PCDHA6: variants seen among roughly 807,000 people sequenced by gnomAD.
The protein encoded by PCDHA6 is protocadherin alpha-6.
Under a neutral mutation model 60.3 loss-of-function variants are expected in PCDHA6, and 55 were observed. That is an observed-to-expected ratio of 0.91 (90% CI 0.73 to 1.14). The LOEUF (loss-of-function observed/expected upper bound fraction) is 1.14. Ranked by LOEUF, PCDHA6 falls within the 50% of genes most tolerant of loss-of-function variation. PCDHA6 has a pLI of 0.00. For synonymous variants in PCDHA6, 652 were observed against 557.9 expected, an observed-to-expected ratio of 1.17 and a Z score of -2.38; for missense variants, 1,327 against 1,256.5, an observed-to-expected ratio of 1.06 and a Z score of -0.85.
At chr5:140,893,657 A>T (rs1046030357) in intron 1 of PCDHA6, among the ~76,000 whole-genome samples, 19 of 152,126 alleles carry the variant, frequency 1.2e-4, no homozygotes, top group Non-Finnish European at 2.2e-4. Context: ...TGATAGTTTT[A>T]AAAAATTTCA....
At chr5:140,984,281 C>G (rs574169465) in intron 3 of PCDHA6, among the ~76,000 whole-genome samples, 32 of 152,336 alleles carry the variant, frequency 2.1e-4, no homozygotes, top group African/African-American at 7.5e-4. Context: ...AATACATTCT[C>G]CCTCCCATTG....
In PCDHA6 at chr5:140,848,293, C is replaced by T. The variant is rs2150408206; in HGVS notation, c.2394+17808C>T. On this transcript the variant is annotated intron_variant, in intron 1 of 3. Transcript: ENST00000529310. ...TGAAATATGTACTTACACTTTGGGC[C>T]ACGTGATGTCACTCTTTGCCGCGAT... The T allele has an allele frequency of 2.0e-5, 13 of 642,032 alleles. 2 individuals are homozygous for T. The highest frequency in any genetic ancestry group is 3.2e-5 in the Non-Finnish European group (12 of 369,632). 39.8% of individuals were successfully genotyped at this position (642,032 alleles called of 1,614,324 possible).
intron 1 of PCDHA6, chr5:140,966,319 G>T: frequency 2.6e-6 from 1 of 388,824 alleles, no homozygotes; most frequent in Admixed American, 4.5e-5. Context: ...CCTGCGGTCC[G>T]CTGGGATCCG....
intron 1 of PCDHA6, among the ~76,000 whole-genome samples, chr5:140,893,013 CCTGACTTATTTCA>C (rs2063781212): frequency 6.6e-6 from 1 of 152,170 alleles, no homozygotes; most frequent in African/African-American, 2.4e-5. Context: ...TTTTTCTGTG[CCTGACTTATTTCA>C]CTTAACATAT....
chr5:140,873,518 A>G (rs2054336624), intron 1 of PCDHA6, among the ~76,000 whole-genome samples: 1 of 152,200 alleles, frequency 6.6e-6, no homozygotes, highest in Non-Finnish European at 1.5e-5. Context: ...CTTAATGCCA[A>G]GATTGCATTC....
intron 1 of PCDHA6, chr5:140,851,041 G>T: frequency 7.2e-7 from 1 of 1,393,950 alleles, no homozygotes. Context: ...TAACATTGGA[G>T]CCGACTTTGT....
At chr5:140,862,948 G>T (rs782222335) in intron 1 of PCDHA6, 1 of 543,712 alleles carries the variant, frequency 1.8e-6, no homozygotes, top group South Asian at 1.4e-5. Context: ...GTGAGCTGGT[G>T]CGGTATTCAG....
intron 1 of PCDHA6, chr5:140,842,086 A>G: frequency 1.2e-6 from 2 of 1,613,926 alleles, no homozygotes; most frequent in Non-Finnish European, 1.7e-6. Flanking sequence ...TCGAAAACGC[A>G]GACAACGGAA....
intron 1 of PCDHA6, among the ~76,000 whole-genome samples, chr5:140,845,707 A>G (rs2150380649): frequency 6.7e-6 from 1 of 149,734 alleles, no homozygotes; most frequent in African/African-American, 2.4e-5. Context: ...TTGGCATTAT[A>G]TGTATGCATG....
chr5:140,905,980 G>A (rs2072263534), intron 1 of PCDHA6, among the ~76,000 whole-genome samples: 1 of 152,178 alleles, frequency 6.6e-6, no homozygotes, highest in Non-Finnish European at 1.5e-5. Context: ...CAGCATGGGA[G>A]AAAGATGTAG....
At chr5:140,928,227 T>G (rs781923359) in intron 1 of PCDHA6, 2 of 1,614,198 alleles carry the variant, frequency 1.2e-6, no homozygotes, top group South Asian at 2.2e-5. Context: ...CACCAAACTT[T>G]CCTCAACCCC....
intron 1 of PCDHA6, chr5:140,857,926 C>T (rs1351185942): frequency 1.3e-6 from 2 of 1,597,606 alleles, no homozygotes; most frequent in Non-Finnish European, 1.7e-6. Flanking sequence ...TGGGGCTGTA[C>T]ACGGGCGAGA....
At chr5:140,867,198 C>A (rs1286853388) in intron 1 of PCDHA6, 1 of 152,110 alleles carries the variant, frequency 6.6e-6, no homozygotes, top group East Asian at 1.9e-4. Flanking sequence ...ACTCCACATT[C>A]CATGTAACAT....
chr5:140,836,500 C>G, intron 1 of PCDHA6: 1 of 1,613,882 alleles, frequency 6.2e-7, no homozygotes, highest in Non-Finnish European at 8.5e-7. Flanking sequence ...GCCATCTGCG[C>G]GGTGTCCAGT....
At chr5:141,004,823 TTAGA>T (rs1175791432) in intron 3 of PCDHA6, among the ~76,000 whole-genome samples, 26 of 152,314 alleles carry the variant, frequency 1.7e-4, no homozygotes, top group African/African-American at 5.8e-4. Context: ...TTTGATTAAC[TTAGA>T]TAGATCAAAG....
intron 1 of PCDHA6, among the ~76,000 whole-genome samples, chr5:140,920,362 T>C (rs1167382464): frequency 6.6e-6 from 1 of 152,238 alleles, no homozygotes; most frequent in African/African-American, 2.4e-5. Context: ...GTTCTATTCA[T>C]TTATTCTTGT....
intron 1 of PCDHA6, chr5:140,877,311 G>T: frequency 6.2e-7 from 1 of 1,613,970 alleles, no homozygotes. Flanking sequence ...AGTTGCAACC[G>T]GCGGCGGTCG....
intron 1 of PCDHA6, among the ~76,000 whole-genome samples, chr5:140,957,916 T>C (rs1554223208): frequency 6.6e-6 from 1 of 152,114 alleles, no homozygotes; most frequent in African/African-American, 2.4e-5. Context: ...TTGTTATCTA[T>C]GTATCAAGCT....
chr5:141,008,470 C>T (rs2098378498), intron 3 of PCDHA6, among the ~76,000 whole-genome samples: 1 of 152,156 alleles, frequency 6.6e-6, no homozygotes, highest in Non-Finnish European at 1.5e-5. Context: ...GCTCTGACTT[C>T]TACTCTTCTA....
Sources: gnomAD v4.1 joint callset for allele counts (sites outside exome capture counted in the v4.1 genomes callset) on GRCh38, gnomAD v4.1.1 for gene constraint, MANE v1.5 for transcripts, NCBI Gene and HGNC (gene_info 2026-07-23, HGNC 2026-07-21) for gene names.